Variants in SLC7A2 observed in about 807,000 individuals in gnomAD.
The protein encoded by SLC7A2 is cationic amino acid transporter 2.
A neutral mutation model predicts 58.9 loss-of-function variants in SLC7A2; 48 were observed. The ratio of observed to expected loss-of-function variants is 0.82; its 90% CI spans 0.65 to 1.04. The LOEUF is 1.04. Among genes scored for constraint, SLC7A2 ranks in the 50% least tolerant of loss-of-function variants. The pLI is 0.00. For missense variants in SLC7A2, 1,029 were observed against 818.8 expected (o/e 1.26, Z -3.13); for synonymous variants, 363 against 314.5 (o/e 1.15, Z -1.63).
intron 12 of SLC7A2, among the ~76,000 whole-genome samples, chr8:17,564,491 C>T (rs189445507): frequency 1.3e-5 from 2 of 152,192 alleles, no homozygotes; most frequent in Admixed American, 6.5e-5. Context: ...CGGTCCCCAA[C>T]CTTTTTGGCA....
intron 2 of SLC7A2, among the ~76,000 whole-genome samples, chr8:17,524,222 A>G (rs541876066): frequency 3.3e-5 from 5 of 152,338 alleles, no homozygotes; most frequent in Admixed American, 1.3e-4. Flanking sequence ...TAAAAGTAGA[A>G]CTACCATTTG....
rs1801313578 is a variant in SLC7A2, at chr8:17,528,571, G to A, written c.-22-14747G>A. Among the ~76,000 whole-genome samples, 7 of 151,960 alleles carry A rather than the reference G, an allele frequency of 4.6e-5. No individual in the cohort carries two copies. In the South Asian group the frequency reaches 1.5e-3, roughly 32 times the overall value. ...TCTGGCTAATTTTTATAGAAACGGGGTTTTGCTCTGTCGTTCAGGCTGGTC... is the reference window on the plus strand; with the variant it reads ...TCTGGCTAATTTTTATAGAAACGGGATTTTGCTCTGTCGTTCAGGCTGGTC... On this transcript the variant is annotated intron_variant, in intron 2 of 12. Transcript: ENST00000494857.
chr8:17,525,880 G>A (rs1046333556), intron 2 of SLC7A2, among the ~76,000 whole-genome samples: 8 of 152,088 alleles, frequency 5.3e-5, no homozygotes, highest in Non-Finnish European at 1.0e-4. Flanking sequence ...TGAGAGTTTG[G>A]GAAGTTCAAA....
chr8:17,536,992 C>T (rs760854776), intron 2 of SLC7A2, among the ~76,000 whole-genome samples: 1 of 152,206 alleles, frequency 6.6e-6, no homozygotes, highest in African/African-American at 2.4e-5. Context: ...TGCCCTGCCT[C>T]CCTGCTGGGG....
intron 11 of SLC7A2, among the ~76,000 whole-genome samples, chr8:17,562,450 C>T (rs1156717752): frequency 2.0e-5 from 3 of 151,920 alleles, no homozygotes; most frequent in Admixed American, 2.0e-4. Context: ...AATAATCCAC[C>T]CACCTCTGCC....
chr8:17,539,825 T>A (rs968480078), intron 2 of SLC7A2, among the ~76,000 whole-genome samples: 3 of 152,224 alleles, frequency 2.0e-5, no homozygotes, highest in Admixed American at 6.5e-5. Context: ...AACCCCTGCA[T>A]TGTATCTCTG....
rs534609694 is a variant in SLC7A2 at position 17,561,835 on chromosome 8, A to G, written c.1505-109A>G. 9.1e-6 allele frequency: 9 copies of G among 993,188 alleles called. No homozygotes were observed. In the South Asian group the frequency reaches 1.1e-4, roughly 12 times the overall value. 61.5% of individuals were successfully genotyped at this position (993,188 alleles called of 1,614,324 possible). A position where few individuals can be genotyped will look rare whatever the true frequency, so the allele number is the denominator to read the frequency against. ...AGGCGAAGACTCTTTGTATTTAGCCAAGTAGATGTGTACAGAAGTCAGTGT... is the reference window on the plus strand; with the variant it reads ...AGGCGAAGACTCTTTGTATTTAGCCGAGTAGATGTGTACAGAAGTCAGTGT... On this transcript the variant is annotated intron_variant, in intron 10 of 12. Transcript: ENST00000494857.
intron 2 of SLC7A2, among the ~76,000 whole-genome samples, chr8:17,534,406 G>A (rs139036332): frequency 0.01 from 1,533 of 152,224 alleles, 10 homozygotes; most frequent in Admixed American, 0.016. Flanking sequence ...TCATCACAAC[G>A]GATAACCACC....
intron 2 of SLC7A2, 52 bp downstream of exon 2, chr8:17,502,354 A>AT (rs1309236638): frequency 1.3e-5 from 2 of 151,996 alleles, no homozygotes; most frequent in East Asian, 1.9e-4. Context: ...AAAAGGACTG[A>AT]TAAAAAAAAA....
At chr8:17,510,232 T>C (rs1487066009) in intron 2 of SLC7A2, among the ~76,000 whole-genome samples, 1 of 139,026 alleles carries the variant, frequency 7.2e-6, no homozygotes, top group Non-Finnish European at 1.7e-5. Context: ...AATAAACAAA[T>C]AATAATAATA....
intron 2 of SLC7A2, among the ~76,000 whole-genome samples, chr8:17,511,886 C>T (rs935747592): frequency 3.3e-5 from 5 of 152,164 alleles, no homozygotes; most frequent in Non-Finnish European, 7.3e-5. Flanking sequence ...CTATACCCCA[C>T]CTCCTAACAC....
At chr8:17,525,319 C>T (rs555221184) in intron 2 of SLC7A2, among the ~76,000 whole-genome samples, 1 of 152,228 alleles carries the variant, frequency 6.6e-6, no homozygotes, top group African/African-American at 2.4e-5. Context: ...CCTGTCATAA[C>T]CATTTCACTA....
At chr8:17,524,449 C>G (rs1418169045) in intron 2 of SLC7A2, among the ~76,000 whole-genome samples, 2 of 151,644 alleles carry the variant, frequency 1.3e-5, no homozygotes, top group Non-Finnish European at 2.9e-5. Context: ...CACACACACA[C>G]ACACACACCA....
intron 2 of SLC7A2, among the ~76,000 whole-genome samples, chr8:17,509,418 G>C (rs1187045998): frequency 6.6e-6 from 1 of 152,006 alleles, no homozygotes; most frequent in Non-Finnish European, 1.5e-5. Context: ...AGATTCTTCT[G>C]CCTCACCCTC....
At chr8:17,549,488 C>T (rs553852736) in intron 5 of SLC7A2, among the ~76,000 whole-genome samples, 8 of 152,228 alleles carry the variant, frequency 5.3e-5, no homozygotes, top group African/African-American at 1.9e-4. Flanking sequence ...AGATCCTAAC[C>T]ATTGGAAAAA....
At chr8:17,555,194 A>T in intron 8 of SLC7A2, 1 of 918,902 alleles carries the variant, frequency 1.1e-6, no homozygotes, top group Non-Finnish European at 1.6e-6. Context: ...AAAAAACAAA[A>T]TCACTGATAA....
intron 2 of SLC7A2, chr8:17,520,832 C>G (rs1333857005): frequency 5.2e-6 from 2 of 382,982 alleles, no homozygotes; most frequent in Admixed American, 1.3e-4. Flanking sequence ...ATTTTGTACT[C>G]CAGTATTGAT....
At chr8:17,513,241 C>T (rs1470591601) in intron 2 of SLC7A2, among the ~76,000 whole-genome samples, 1 of 152,094 alleles carries the variant, frequency 6.6e-6, no homozygotes, top group Non-Finnish European at 1.5e-5. Context: ...ATATTGTTCC[C>T]CACAGCAGTG....
At chr8:17,506,146 A>G (rs1361359300) in intron 2 of SLC7A2, among the ~76,000 whole-genome samples, 1 of 152,212 alleles carries the variant, frequency 6.6e-6, no homozygotes, top group African/African-American at 2.4e-5. Flanking sequence ...GTGTCTGTAC[A>G]ATTCATCAAG....
Sources: gnomAD v4.1 joint callset for allele counts (sites outside exome capture counted in the v4.1 genomes callset) on GRCh38, gnomAD v4.1.1 for gene constraint, MANE v1.5 for transcripts, NCBI Gene and HGNC (gene_info 2026-07-23, HGNC 2026-07-21) for gene names.